The following NDUFAF2 variants were observed in gnomAD, a reference collection of about 807,000 sequenced individuals.
The protein encoded by NDUFAF2 is NADH dehydrogenase [ubiquinone] 1 alpha subcomplex assembly factor 2.
NDUFAF2 carries 13 observed loss-of-function variants against 22.8 expected under a neutral mutation model. The observed-to-expected ratio is 0.57, with a 90% CI of 0.37 to 0.91. The LOEUF (loss-of-function observed/expected upper bound fraction) is 0.91. NDUFAF2 is among the 40% of genes least tolerant of loss of function. The pLI, the probability that NDUFAF2 is intolerant of heterozygous loss-of-function variation, is 0.01. For synonymous variants in NDUFAF2, 53 were observed against 64.2 expected, an observed-to-expected ratio of 0.83 and a Z score of 0.84; for missense variants, 162 against 195.2, an observed-to-expected ratio of 0.83 and a Z score of 1.01.
At chr5:61,061,378 T>C (rs1752163420) in intron 1 of NDUFAF2, among the ~76,000 whole-genome samples, 1 of 152,160 alleles carries the variant, frequency 6.6e-6, no homozygotes, top group Non-Finnish European at 1.5e-5. Flanking sequence ...TATTTATCTA[T>C]ATTGTTTAGT....
At chr5:61,076,823 T>C (rs755398764) in intron 2 of NDUFAF2, among the ~76,000 whole-genome samples, 1 of 152,200 alleles carries the variant, frequency 6.6e-6, no homozygotes, top group Non-Finnish European at 1.5e-5. Context: ...AATTGTGACT[T>C]GGGCCAGAGT....
In NDUFAF2 at chr5:61,074,945, C is replaced by T. The variant is rs529201924; in HGVS notation, c.217+1731C>T. Among the ~76,000 whole-genome samples the T allele has an allele frequency of 1.2e-3, 190 of 152,228 alleles. 1 individual carries two copies. The highest frequency in any genetic ancestry group is 4.5e-3 in the African/African-American group (186 of 41,530). Reference sequence around the variant, plus strand: ...GGGAGAGAGAATAATGAAGGAGGAACTTCCAAATACTTATAAAGCCATCAG... The same window carrying T: ...GGGAGAGAGAATAATGAAGGAGGAATTTCCAAATACTTATAAAGCCATCAG... On this transcript the variant is annotated intron_variant, in intron 2 of 3. Transcript: ENST00000296597.
chr5:61,008,543 A>G (rs532018265), intron 1 of NDUFAF2, among the ~76,000 whole-genome samples: 10 of 152,240 alleles, frequency 6.6e-5, no homozygotes, highest in African/African-American at 2.4e-4. Flanking sequence ...AATTGCTTAA[A>G]TGCACTGAGC....
chr5:61,094,668 T>C (rs1752616603), intron 2 of NDUFAF2, among the ~76,000 whole-genome samples: 1 of 152,232 alleles, frequency 6.6e-6, no homozygotes, highest in Non-Finnish European at 1.5e-5. Flanking sequence ...GGATGGGTTT[T>C]TATTTTTTAG....
chr5:61,140,277 A>G (rs1741031945), intron 3 of NDUFAF2, among the ~76,000 whole-genome samples: 1 of 152,232 alleles, frequency 6.6e-6, no homozygotes, highest in African/African-American at 2.4e-5. Context: ...CCTATTGAAT[A>G]TCTTAACAAT....
intron 3 of NDUFAF2, among the ~76,000 whole-genome samples, chr5:61,144,002 G>A (rs1452599022): frequency 7.0e-6 from 1 of 141,954 alleles, no homozygotes; most frequent in African/African-American, 2.5e-5. Context: ...GTGTGTGTGT[G>A]TGTGTGTTCA....
At chr5:61,122,549 G>A (rs1752989053) in intron 3 of NDUFAF2, among the ~76,000 whole-genome samples, 1 of 152,070 alleles carries the variant, frequency 6.6e-6, no homozygotes. Context: ...TACTTCTGTG[G>A]TATTTTGAAG....
At chr5:61,078,693 A>G (rs527238060) in intron 2 of NDUFAF2, among the ~76,000 whole-genome samples, 3 of 152,240 alleles carry the variant, frequency 2.0e-5, no homozygotes, top group East Asian at 1.9e-4. Context: ...GTGAGCTGAG[A>G]TCGCGCCACT....
rs149497094 is a variant in NDUFAF2, at chr5:60,949,805, T to C, written c.127+4423T>C. The stretch of plus-strand genomic sequence containing the variant: ...TCAGCATAGAGATCATGATATGTTT[T>C]GTTAAATTTATTATAAAGTATATTA... On this transcript the variant is annotated intron_variant, in intron 1 of 3. Coordinates refer to ENST00000296597, the MANE Select transcript of NDUFAF2 (RefSeq NM_174889.5). 9.7e-3 allele frequency among the ~76,000 whole-genome samples: 1,478 copies of C among 152,346 alleles called. 22 individuals carry two copies. Among genetic ancestry groups the C allele is most frequent in the African/African-American group, 0.034 (1,402 of 41,586 alleles).
chr5:61,147,025 A>G (rs1206504229), intron 3 of NDUFAF2, among the ~76,000 whole-genome samples: 1 of 151,612 alleles, frequency 6.6e-6, no homozygotes, highest in Non-Finnish European at 1.5e-5. Flanking sequence ...AGACATTTTT[A>G]TAGTAATTGT....
At chr5:61,081,234 T>A (rs1310191738) in intron 2 of NDUFAF2, among the ~76,000 whole-genome samples, 1 of 152,184 alleles carries the variant, frequency 6.6e-6, no homozygotes, top group East Asian at 1.9e-4. Flanking sequence ...TTGTAACAAG[T>A]CTTGAAATAA....
At chr5:60,950,271 C>T (rs969863953) in intron 1 of NDUFAF2, among the ~76,000 whole-genome samples, 1 of 152,146 alleles carries the variant, frequency 6.6e-6, no homozygotes, top group Admixed American at 6.5e-5. Context: ...ATTGCAACCT[C>T]CACCTCCTGG....
At chr5:61,070,428 A>G (rs1004583151) in intron 1 of NDUFAF2, among the ~76,000 whole-genome samples, 1 of 152,134 alleles carries the variant, frequency 6.6e-6, no homozygotes, top group African/African-American at 2.4e-5. Flanking sequence ...GGAGATAAAC[A>G]TATCTGATTA....
chr5:60,983,082 G>T (rs199877709), intron 1 of NDUFAF2, among the ~76,000 whole-genome samples: 72 of 145,950 alleles, frequency 4.9e-4, no homozygotes, highest in Non-Finnish European at 6.1e-4. Flanking sequence ...ATTTTTTAAT[G>T]ATTGCCATTC....
intron 1 of NDUFAF2, among the ~76,000 whole-genome samples, chr5:61,013,429 A>AT (rs1231490939): frequency 1.3e-5 from 2 of 151,888 alleles, no homozygotes; most frequent in East Asian, 1.9e-4. Flanking sequence ...GTATTTTAAG[A>AT]TTTTTTCTGT....
intron 3 of NDUFAF2, among the ~76,000 whole-genome samples, chr5:61,151,443 G>C (rs1741236941): frequency 6.6e-6 from 1 of 151,664 alleles, no homozygotes; most frequent in Non-Finnish European, 1.5e-5. Context: ...TAAGCAAAAA[G>C]AACATTAAAA....
At chr5:60,971,782 G>A (rs1209948313) in intron 1 of NDUFAF2, among the ~76,000 whole-genome samples, 1 of 152,066 alleles carries the variant, frequency 6.6e-6, no homozygotes, top group Admixed American at 6.5e-5. Flanking sequence ...TCCCTACAAA[G>A]GACATGAACT....
chr5:61,013,877 A>C (rs1751472895), intron 1 of NDUFAF2, among the ~76,000 whole-genome samples: 1 of 152,154 alleles, frequency 6.6e-6, no homozygotes, highest in Non-Finnish European at 1.5e-5. Flanking sequence ...GCACCTTTAT[A>C]GACACGCTAA....
In NDUFAF2 at chr5:61,153,022, A is replaced by G. The variant is rs567401091; in HGVS notation, c.*67A>G. The G allele has an allele frequency of 4.1e-5, 64 of 1,545,404 alleles. No homozygotes were observed. Among genetic ancestry groups the G allele is most frequent in the Admixed American group, 1.0e-4 (6 of 57,658 alleles). On this transcript the variant is annotated 3_prime_UTR_variant, in exon 4 of 4. Transcript: ENST00000296597. ...ATTTTAACAAATAAAAGAAGTGAAA[A>G]GTTATTTACCTTGTATTTTCTGAAT...
Sources: allele counts gnomAD v4.1 joint callset (sites outside exome capture counted in the v4.1 genomes callset), GRCh38; gene constraint gnomAD v4.1.1; transcripts MANE v1.5; gene names NCBI Gene and HGNC (gene_info 2026-07-23, HGNC 2026-07-21).